CDX2: variants seen among roughly 807,000 people sequenced by gnomAD.
The protein encoded by CDX2 is caudal type homeobox 2.
Under a neutral mutation model 25.5 loss-of-function variants are expected in CDX2, and 7 were observed. The observed-to-expected ratio is 0.27, with a 90% confidence interval of 0.16 to 0.52. The LOEUF (loss-of-function observed/expected upper bound fraction) is 0.52. Ranked by LOEUF, CDX2 falls within the 20% of genes least tolerant of loss-of-function variation. The pLI is 0.97. For missense variants in CDX2, 375 were observed against 431.4 expected, an observed-to-expected ratio of 0.87 and a Z score of 1.16; for synonymous variants, 222 against 198.6, an observed-to-expected ratio of 1.12 and a Z score of -0.99.
intron 2 of CDX2, among the ~76,000 whole-genome samples, chr13:27,963,850 A>G (rs890560085): frequency 3.3e-5 from 5 of 152,104 alleles, no homozygotes; most frequent in Non-Finnish European, 5.9e-5. Context: ...ATATATATAA[A>G]ATGTTCATGA....
Position 27,961,116 on chromosome 13 carries a change from C to A in CDX2, c.*1999G>T, listed in dbSNP as rs1375182813. Among the ~76,000 whole-genome samples the A allele has an allele frequency of 6.6e-6, 1 of 152,168 alleles. No individual in the cohort carries two copies. The highest frequency in any genetic ancestry group is 2.0e-4 in the East Asian group (1 of 5,116). On this transcript the variant is annotated 3_prime_UTR_variant, in exon 3 of 3. Transcript: ENST00000381020. ...CCCGGACACGGCTTCCTCCTCTGCCCGGCACCCCCCGACCCCACGCCCCGC... is the reference window on the plus strand; with the variant it reads ...CCCGGACACGGCTTCCTCCTCTGCCAGGCACCCCCCGACCCCACGCCCCGC...
Position 27,968,565 on chromosome 13 carries a change from C to A in CDX2, c.442G>T (p.Ala148Ser), listed in dbSNP as rs1223507326. Residue 148 changes from alanine (A) to serine (S), a missense_variant, in exon 1 of 3, where the codon GCC (alanine) becomes TCC (serine). Coordinates refer to ENST00000381020, the MANE Select transcript of CDX2 (RefSeq NM_001265.6). ...AGCTGCTCGGCGGCAGCGGTGGCGG[C>A]GGGCCCAGGAGGGCCGGGGTTGAGC... Reference protein sequence around the residue: ...QTLNPGPPGPAATAAAEQLSP... With the variant: ...QTLNPGPPGPSATAAAEQLSP... 2 of 1,566,264 alleles carry A rather than the reference C, an allele frequency of 1.3e-6. No individual in the cohort carries two copies. Among genetic ancestry groups the A allele is most frequent in the African/African-American group, 2.8e-5 (2 of 71,002 alleles).
In CDX2 at chr13:27,968,702, G is replaced by C; in HGVS notation, c.305C>G (p.Ala102Gly). 1 of 1,531,240 alleles carries C rather than the reference G, an allele frequency of 6.5e-7. No individual in the cohort carries two copies. The highest frequency in any genetic ancestry group is 8.7e-7 in the Non-Finnish European group (1 of 1,143,740). The allele number at this position is 1,531,240 out of a possible 1,614,324, so 94.9% of individuals were successfully genotyped here. Residue 102 changes from alanine to glycine, a missense_variant, in exon 1 of 3, where the codon GCC (alanine) becomes GGC (glycine). Ala to Gly is a moderately conservative substitution (Grantham distance 60). This residue lies in a region of CDX2 where 253 missense variants were observed against 247.5 expected (regional missense o/e 1.02). Coordinates refer to ENST00000381020, the MANE Select transcript of CDX2 (RefSeq NM_001265.6). ...VAHGLNGGSP[A>G]AAMGYSSPAD... ...GGGGCTGCTGTAGCCCATGGCTGCGGCCGGGGAGCCACCGTTGAGGCCGTG... is the reference window on the plus strand; with the variant it reads ...GGGGCTGCTGTAGCCCATGGCTGCGCCCGGGGAGCCACCGTTGAGGCCGTG...
chr13:27,965,650 G>A (rs1002219435), intron 1 of CDX2, among the ~76,000 whole-genome samples: 30 of 152,204 alleles, frequency 2.0e-4, no homozygotes, highest in African/African-American at 4.1e-4. Context: ...CAGGTTTGGC[G>A]TTTGGTACTT....
intron 1 of CDX2, among the ~76,000 whole-genome samples, chr13:27,967,907 T>G (rs570660981): frequency 6.6e-6 from 1 of 152,298 alleles, no homozygotes; most frequent in Admixed American, 6.5e-5. Context: ...CTCCCTGGTC[T>G]GCCTGCTCGC....
Position 27,968,732 on chromosome 13 carries a change from ACGGCGTTGGCGGCGGCCG to A in CDX2, c.257_274del (p.Ala86_Ala91del). On this transcript the variant is annotated inframe_deletion, in exon 1 of 3. Transcript: ENST00000381020. The stretch of plus-strand genomic sequence containing the variant: ...GGAGCCACCGTTGAGGCCGTGAGCC[ACGGCGTTGGCGGCGGCCG>A]CGGCGCCTCCGGGCGCGTAGCCATT... The A allele has an allele frequency of 1.3e-6, 2 of 1,517,760 alleles. No homozygotes were observed. Among genetic ancestry groups the A allele is most frequent in the South Asian group, 2.5e-5 (2 of 81,132 alleles). The allele number at this position is 1,517,760 out of a possible 1,614,324, so 94.0% of individuals were successfully genotyped here.
Position 27,962,737 on chromosome 13 carries a change from C to T in CDX2, c.*378G>A, listed in dbSNP as rs575341095. On this transcript the variant is annotated 3_prime_UTR_variant, in exon 3 of 3. Transcript: ENST00000381020. ...AAGCTTGCCTTTCCCTTGAGTCCCT[C>T]TCTCCCCTCGGCTCTAGCCAGAGGT... 8.0e-6 allele frequency: 2 copies of T among 249,376 alleles called. No homozygotes were observed. The highest frequency in any genetic ancestry group is 1.5e-5 in the Non-Finnish European group (2 of 129,488). The allele number at this position is 249,376 out of a possible 1,614,324, so 15.4% of individuals were successfully genotyped here.
chr13:27,966,326 G>A (rs966861203), intron 1 of CDX2, among the ~76,000 whole-genome samples: 17 of 152,228 alleles, frequency 1.1e-4, no homozygotes, highest in African/African-American at 3.9e-4. Flanking sequence ...TGCTATGAAA[G>A]TAAAGGGAAC....
At chr13:27,965,291 G>C (rs1870204655) in intron 1 of CDX2, among the ~76,000 whole-genome samples, 1 of 152,182 alleles carries the variant, frequency 6.6e-6, no homozygotes, top group Non-Finnish European at 1.5e-5. Context: ...ACAGCAGAAT[G>C]TAACCACCCT....
At position 27,968,491 on chromosome 13, in the gene CDX2, C is replaced by T. The variant is rs1031634873; in HGVS notation, c.516G>A (p.Pro172=). 2.6e-6 allele frequency: 4 copies of T among 1,560,124 alleles called. No individual in the cohort carries two copies. The highest frequency in any genetic ancestry group is 1.8e-5 in the Admixed American group (1 of 54,774). The change falls in exon 1 of 3, where the codon CCG becomes CCA. Residue 172 remains proline (P), a synonymous_variant. Transcript: ENST00000381020. The part of the protein sequence containing the change: ...RRNLCEWMRK[P]AQQSLGSQVK... ...CTTGGCTGCCGAGGGACTGCTGCGC[C>T]GGCTTCCGCATCCACTCGCACAGGT...
intron 1 of CDX2, among the ~76,000 whole-genome samples, chr13:27,965,666 T>A (rs952943235): frequency 1.3e-5 from 2 of 152,210 alleles, no homozygotes; most frequent in African/African-American, 4.8e-5. Context: ...TACTTTTTCT[T>A]TTTTGATCCT....
In CDX2 at chr13:27,967,859, C is replaced by A. The variant is rs557272501; in HGVS notation, c.541+607G>T. 4.4e-3 allele frequency among the ~76,000 whole-genome samples: 670 copies of A among 152,270 alleles called. 4 individuals carry two copies. The highest frequency in any genetic ancestry group is 0.015 in the African/African-American group (615 of 41,562). ...ACGGGGCGCGCCCCCGTCGCCTTAG[C>A]AGCTGGGGCTAGCACCTTCTTCCCA... On this transcript the variant is annotated intron_variant, in intron 1 of 2. Transcript: ENST00000381020.
chr13:27,967,764 C>T (rs1310824531), intron 1 of CDX2, among the ~76,000 whole-genome samples: 1 of 152,216 alleles, frequency 6.6e-6, no homozygotes, highest in Non-Finnish European at 1.5e-5. Flanking sequence ...GACGCCTGCC[C>T]CTAGGCTTCT....
Position 27,960,965 on chromosome 13 carries a change from T to G in CDX2, c.*2150A>C, listed in dbSNP as rs1400920114. ...TTGACAGGCGTTTCACGGCAACGCATAGCAACCCCGGCGGCTAGGGGGCGG... is the reference window on the plus strand; with the variant it reads ...TTGACAGGCGTTTCACGGCAACGCAGAGCAACCCCGGCGGCTAGGGGGCGG... On this transcript the variant is annotated 3_prime_UTR_variant, in exon 3 of 3. Transcript: ENST00000381020. 1.3e-5 allele frequency among the ~76,000 whole-genome samples: 2 copies of G among 152,216 alleles called. No homozygotes were observed. Among genetic ancestry groups the G allele is most frequent in the Non-Finnish European group, 2.9e-5 (2 of 68,024 alleles).
rs1027361286 is a variant in CDX2 at position 27,964,695 on chromosome 13, C to G, written c.687+175G>C. ...CTCCAGCCTGGGCCACAAAGCAAGA[C>G]CCCATCTCTGTTTAAAAAAAAAAAA... On this transcript the variant is annotated intron_variant, in intron 2 of 2. Coordinates refer to ENST00000381020, the MANE Select transcript of CDX2 (RefSeq NM_001265.6). The surrounding 1 kb of genome is among the most constrained non-coding windows in gnomAD (Gnocchi z 4.7). Among the ~76,000 whole-genome samples, 3 of 133,586 alleles carry G rather than the reference C, an allele frequency of 2.2e-5. No homozygotes were observed. In the South Asian group the frequency reaches 8.3e-4, roughly 37 times the overall value. 87.6% of individuals were successfully genotyped at this position (133,586 alleles called of 152,430 possible). A position where few individuals can be genotyped will look rare whatever the true frequency, so the allele number is the denominator to read the frequency against.
intron 1 of CDX2, among the ~76,000 whole-genome samples, chr13:27,967,738 C>A (rs1168522068): frequency 6.6e-6 from 1 of 152,240 alleles, no homozygotes; most frequent in South Asian, 2.1e-4. Flanking sequence ...CTCCCCGTCT[C>A]CCTGCTCTCT....
Position 27,963,189 on chromosome 13 carries a change from C to T in CDX2, c.868G>A (p.Ala290Thr), listed in dbSNP as rs767763015. The T allele has an allele frequency of 2.5e-6, 4 of 1,614,072 alleles. No individual in the cohort carries two copies. The highest frequency in any genetic ancestry group is 2.2e-5 in the East Asian group (1 of 44,886). Residue 290 changes from alanine (A) to threonine (T), a missense_variant, in exon 3 of 3, where the codon GCC becomes ACC. Coordinates refer to ENST00000381020, the MANE Select transcript of CDX2 (RefSeq NM_001265.6). Reference protein sequence around the residue: ...EPLSPVSSLQASVPGSVPGVL... With the variant: ...EPLSPVSSLQTSVPGSVPGVL... ...CCAGGGACAGAGCCAGGCACTGAGGCTTGCAGGGAAGACACCGGACTCAAG... is the reference window on the plus strand; with the variant it reads ...CCAGGGACAGAGCCAGGCACTGAGGTTTGCAGGGAAGACACCGGACTCAAG...
intron 1 of CDX2, among the ~76,000 whole-genome samples, chr13:27,967,514 T>G (rs1869393674): frequency 6.6e-6 from 1 of 152,148 alleles, no homozygotes; most frequent in Non-Finnish European, 1.5e-5. Flanking sequence ...GGCACTCAAC[T>G]AGGACTCTCC....
In CDX2 at chr13:27,968,469, G is replaced by T; in HGVS notation, c.538C>A (p.Gln180Lys). 1 of 1,546,738 alleles carries T rather than the reference G, an allele frequency of 6.5e-7. No homozygotes were observed. Among genetic ancestry groups the T allele is most frequent in the Non-Finnish European group, 8.6e-7 (1 of 1,159,722 alleles). The change falls in exon 1 of 3, where the codon CAA becomes AAA. Residue 180 changes from glutamine to lysine, a missense_variant. This residue lies in a region of CDX2 where 64 missense variants were observed against 124.6 expected (regional missense o/e 0.51). Coordinates refer to ENST00000381020, the MANE Select transcript of CDX2 (RefSeq NM_001265.6). ...AAGGGGCGCAGCCTCTGCTTACCTT[G>T]GCTGCCGAGGGACTGCTGCGCCGGC... ...RKPAQQSLGS[Q>K]VKTRTKDKYR... is the part of the protein sequence containing the mutation.
Sources: gnomAD v4.1 joint callset for allele counts (sites outside exome capture counted in the v4.1 genomes callset) on GRCh38, gnomAD v4.1.1 for gene constraint, gnomAD v4.1.1 regional missense constraint, Gnocchi (gnomAD v3.1) non-coding constraint, MANE v1.5 for transcripts, NCBI Gene and HGNC (gene_info 2026-07-23, HGNC 2026-07-21) for gene names.